The following DPY19L1 variants were observed in gnomAD, a reference collection of about 807,000 sequenced individuals.
The protein encoded by DPY19L1 is protein C-mannosyl-transferase DPY19L1.
Under a neutral mutation model 96.9 loss-of-function variants are expected in DPY19L1, and 35 were observed. The ratio of observed to expected loss-of-function variants is 0.36; its 90% CI spans 0.28 to 0.48. The LOEUF is 0.48. Among genes scored for constraint, DPY19L1 ranks in the 20% least tolerant of loss-of-function variants. The pLI, the probability that DPY19L1 is intolerant of heterozygous loss-of-function variation, is 0.99. For missense variants in DPY19L1, 521 were observed against 777.9 expected, an observed-to-expected ratio of 0.67 and a Z score of 3.93; for synonymous variants, 205 against 252.6, an observed-to-expected ratio of 0.81 and a Z score of 1.79.
intron 1 of DPY19L1, among the ~76,000 whole-genome samples, chr7:35,023,285 T>C (rs564951027): frequency 3.1e-4 from 47 of 152,310 alleles, no homozygotes; most frequent in African/African-American, 1.0e-3. Context: ...GTACGAATGC[T>C]GGGATCTGTA....
rs1781563292 is a variant in DPY19L1, at chr7:34,949,734, C to T, written c.1422+63G>A. The T allele has an allele frequency of 5.0e-6, 5 of 991,760 alleles. No homozygotes were observed. The East Asian group carries it at 1.3e-4, about 25-fold the overall frequency. 61.4% of individuals were successfully genotyped at this position (991,760 alleles called of 1,614,324 possible). ...CATAAAGAGTCTGATATAAGAGGAG[C>T]ACTCCTTATGAAAAATGTATGGGCC... On this transcript the variant is annotated intron_variant, in intron 14 of 21. Coordinates refer to ENST00000638088, the MANE Select transcript of DPY19L1 (RefSeq NM_001366673.1).
chr7:34,993,440 ATT>A (rs5883486), intron 6 of DPY19L1, among the ~76,000 whole-genome samples: 2,245 of 150,442 alleles, frequency 0.015, 28 homozygotes, highest in Admixed American at 0.028. Context: ...TTAATTCTGT[ATT>A]TTTTTTTTTG....
rs183200093 is a variant in DPY19L1, at chr7:34,986,418, A to G, written c.822+3466T>C. Among the ~76,000 whole-genome samples the G allele has an allele frequency of 2.1e-3, 321 of 152,132 alleles. 3 individuals are homozygous for G. The highest frequency in any genetic ancestry group is 3.4e-3 in the Middle Eastern group (1 of 292). ...ACACTGTACCCCACTAATATCTACAATTATTATTTGTAAGTTAAAACAAAT... is the reference window on the plus strand; with the variant it reads ...ACACTGTACCCCACTAATATCTACAGTTATTATTTGTAAGTTAAAACAAAT... On this transcript the variant is annotated intron_variant, in intron 7 of 21. Transcript: ENST00000638088.
chr7:35,034,530 T>C (rs1412165278), intron 1 of DPY19L1, among the ~76,000 whole-genome samples: 3 of 152,138 alleles, frequency 2.0e-5, no homozygotes, highest in Admixed American at 2.0e-4. Flanking sequence ...ACTAAATAAG[T>C]AGCAAATAAT....
At chr7:35,029,057 C>G (rs1786198584) in intron 1 of DPY19L1, among the ~76,000 whole-genome samples, 1 of 152,158 alleles carries the variant, frequency 6.6e-6, no homozygotes, top group Admixed American at 6.5e-5. Context: ...TCTTTGTGAC[C>G]TGTACCTTTT....
At chr7:34,971,626 G>A (rs140767396) in intron 8 of DPY19L1, among the ~76,000 whole-genome samples, 3 of 152,262 alleles carry the variant, frequency 2.0e-5, no homozygotes, top group East Asian at 1.9e-4. Context: ...AGAAAGGAAA[G>A]TTCTCTAAAA....
intron 10 of DPY19L1, among the ~76,000 whole-genome samples, chr7:34,959,919 ATATATT>A (rs1312273976): frequency 3.2e-4 from 5 of 15,586 alleles, no homozygotes; most frequent in South Asian, 2.0e-3. Flanking sequence ...ATATATATAT[ATATATT>A]TATATATATA....
At chr7:34,995,778 T>C (rs1224708591) in intron 6 of DPY19L1, among the ~76,000 whole-genome samples, 1 of 152,094 alleles carries the variant, frequency 6.6e-6, no homozygotes, top group Non-Finnish European at 1.5e-5. Context: ...TGGAGAAAAA[T>C]TTGGAAATAA....
At chr7:35,032,688 ATTCTTGACCTTT>A (rs1786289127) in intron 1 of DPY19L1, among the ~76,000 whole-genome samples, 1 of 152,012 alleles carries the variant, frequency 6.6e-6, no homozygotes, top group African/African-American at 2.4e-5. Flanking sequence ...CCAAGACGAA[ATTCTTGACCTTT>A]TCCTTCAAAC....
chr7:34,948,756 CTTTG>C (rs1409734285), intron 14 of DPY19L1, among the ~76,000 whole-genome samples: 5 of 152,284 alleles, frequency 3.3e-5, no homozygotes, highest in Non-Finnish European at 7.4e-5. Flanking sequence ...GATATGCTTC[CTTTG>C]TTTGTTTCAG....
intron 3 of DPY19L1, among the ~76,000 whole-genome samples, chr7:35,014,380 G>A (rs761944991): frequency 1.3e-5 from 2 of 150,284 alleles, no homozygotes; most frequent in South Asian, 2.1e-4. Flanking sequence ...GATAGCAAGG[G>A]TGAAATAATA....
chr7:34,954,012 CA>C (rs1312332338), intron 13 of DPY19L1, among the ~76,000 whole-genome samples: 3 of 151,978 alleles, frequency 2.0e-5, no homozygotes, highest in Non-Finnish European at 4.4e-5. Flanking sequence ...AGAAAATCAC[CA>C]ATAAAAATAC....
intron 10 of DPY19L1, among the ~76,000 whole-genome samples, chr7:34,959,729 G>A (rs1562806739): frequency 6.6e-6 from 1 of 151,542 alleles, no homozygotes; most frequent in South Asian, 2.1e-4. Context: ...TGGGGGGCTA[G>A]GGGAGGGATA....
At chr7:34,941,651 A>C in intron 18 of DPY19L1, 114 bp downstream of exon 18, 1 of 713,390 alleles carries the variant, frequency 1.4e-6, no homozygotes, top group Non-Finnish European at 2.4e-6. Context: ...GTACAAAACC[A>C]TGAAGAGCTT....
In DPY19L1 at chr7:34,949,791, T is replaced by A; in HGVS notation, c.1422+6A>T. 1 of 1,565,908 alleles carries A rather than the reference T, an allele frequency of 6.4e-7. No homozygotes were observed. The highest frequency in any genetic ancestry group is 1.1e-5 in the South Asian group (1 of 87,298). On this transcript the variant is annotated splice_donor_region_variant and intron_variant, in intron 14 of 21. Transcript: ENST00000638088. ...TTAGGAAACAGAACTAGAAATCACA[T>A]CTTACCTCTTTTTCCATAAAGTCAA...
chr7:34,986,773 C>T (rs932436353), intron 7 of DPY19L1, among the ~76,000 whole-genome samples: 1 of 151,950 alleles, frequency 6.6e-6, no homozygotes, highest in Non-Finnish European at 1.5e-5. Flanking sequence ...TCAAGGCAAT[C>T]CTTTCATTCA....
At chr7:35,015,957 A>G (rs1398039919) in intron 3 of DPY19L1, among the ~76,000 whole-genome samples, 2 of 152,250 alleles carry the variant, frequency 1.3e-5, no homozygotes, top group East Asian at 3.8e-4. Flanking sequence ...CAAATCAATA[A>G]TTTGAAACCA....
intron 1 of DPY19L1, among the ~76,000 whole-genome samples, chr7:35,022,081 C>T (rs1786008038): frequency 6.9e-6 from 1 of 145,950 alleles, no homozygotes; most frequent in South Asian, 2.2e-4. Flanking sequence ...GCTTTTCTAG[C>T]CTTCTTGCCT....
chr7:34,992,004 G>A (rs1785178869), intron 6 of DPY19L1, among the ~76,000 whole-genome samples: 1 of 152,166 alleles, frequency 6.6e-6, no homozygotes, highest in South Asian at 2.1e-4. Flanking sequence ...CCTCGTACAT[G>A]TAAATGCTGG....
Sources: gnomAD v4.1 joint callset for allele counts (sites outside exome capture counted in the v4.1 genomes callset) on GRCh38, gnomAD v4.1.1 for gene constraint, MANE v1.5 for transcripts, NCBI Gene and HGNC (gene_info 2026-07-23, HGNC 2026-07-21) for gene names.